The following TFAP2D variants were observed in gnomAD, a reference collection of about 807,000 sequenced individuals.
The protein encoded by TFAP2D is transcription factor AP-2 delta.
TFAP2D carries 9 observed loss-of-function variants against 43.6 expected under a neutral mutation model. That is an observed-to-expected ratio of 0.21 (90% CI 0.12 to 0.36). The LOEUF is 0.36. Among genes scored for constraint, TFAP2D ranks in the 10% least tolerant of loss-of-function variants. The probability of loss-of-function intolerance (pLI) is 1.00; values close to 1 mark genes in which losing one functional copy is unlikely to be tolerated. For missense variants in TFAP2D, 513 were observed against 561.4 expected (o/e 0.91, Z 0.87); for synonymous variants, 256 against 224.9 (o/e 1.14, Z -1.24).
At chr6:50,735,431 G>C (rs1023042265) in intron 5 of TFAP2D, among the ~76,000 whole-genome samples, 5 of 152,086 alleles carry the variant, frequency 3.3e-5, no homozygotes, top group African/African-American at 1.2e-4. Flanking sequence ...CCCTGAACAA[G>C]TTTCTTGAAC....
At position 50,754,637 on chromosome 6, in the gene TFAP2D, T is replaced by A. The variant is rs78271520; in HGVS notation, c.1139+3313T>A. On this transcript the variant is annotated intron_variant, in intron 7 of 7. Coordinates refer to ENST00000008391, the MANE Select transcript of TFAP2D (RefSeq NM_172238.4). The stretch of plus-strand genomic sequence containing the variant: ...CATTTTCACAATAATGTACGGGGTG[T>A]CTATTTCTCCATATCTTCACCAAAT... Among the ~76,000 whole-genome samples, 67 of 151,988 alleles carry A rather than the reference T, an allele frequency of 4.4e-4. No individual in the cohort carries two copies. The East Asian group carries it at 0.011, about 25-fold the overall frequency.
At position 50,715,700 on chromosome 6, in the gene TFAP2D, CTCTCTT is replaced by C; in HGVS notation, c.537+93_537+98del. ...CATTAATGCTCCGACTGTAAAGCGT[CTCTCTT>C]TCTCTCTCTCTTCTCCTCTCTCTCT... On this transcript the variant is annotated intron_variant, in intron 2 of 7. Transcript: ENST00000008391. 2.2e-6 allele frequency: 3 copies of C among 1,347,848 alleles called. No individual in the cohort carries two copies. In the African/African-American group the frequency reaches 4.5e-5, roughly 20 times the overall value. The allele number at this position is 1,347,848 out of a possible 1,614,324, so 83.5% of individuals were successfully genotyped here.
At chr6:50,730,870 C>T (rs1208164560) in intron 5 of TFAP2D, among the ~76,000 whole-genome samples, 1 of 151,962 alleles carries the variant, frequency 6.6e-6, no homozygotes, top group Non-Finnish European at 1.5e-5. Context: ...CCTTGGAACC[C>T]TTTTCACCAC....
intron 5 of TFAP2D, among the ~76,000 whole-genome samples, chr6:50,740,582 G>A (rs553951471): frequency 4.6e-5 from 7 of 150,952 alleles, no homozygotes; most frequent in East Asian, 4.0e-4. Flanking sequence ...GCAGGTGCCC[G>A]CCACCACACC....
intron 7 of TFAP2D, among the ~76,000 whole-genome samples, chr6:50,756,389 A>T (rs2113888928): frequency 6.6e-6 from 1 of 152,214 alleles, no homozygotes; most frequent in East Asian, 1.9e-4. Context: ...AATTAACACC[A>T]TCAACTTGTG....
At position 50,727,934 on chromosome 6, in the gene TFAP2D, G is replaced by A. The variant is rs576266799; in HGVS notation, c.599-922G>A. On this transcript the variant is annotated intron_variant, in intron 3 of 7. Coordinates refer to ENST00000008391, the MANE Select transcript of TFAP2D (RefSeq NM_172238.4). ...TCTCAGAGATGATCACCTTTGGATCGTCAAGTCCTCTTCAGTTATTGTCGA... is the reference window on the plus strand; with the variant it reads ...TCTCAGAGATGATCACCTTTGGATCATCAAGTCCTCTTCAGTTATTGTCGA... Among the ~76,000 whole-genome samples the A allele has an allele frequency of 7.2e-5, 11 of 152,200 alleles. No individual in the cohort carries two copies. In the East Asian group the frequency reaches 1.4e-3, roughly 19 times the overall value.
At chr6:50,729,458 C>T in intron 5 of TFAP2D, 146 bp downstream of exon 5, 1 of 615,052 alleles carries the variant, frequency 1.6e-6, no homozygotes, top group Non-Finnish European at 2.9e-6. Flanking sequence ...ATTATCTTGA[C>T]AATGATGATT....
intron 7 of TFAP2D, 95 bp downstream of exon 7, chr6:50,751,419 A>G (rs1299205000): frequency 1.2e-6 from 1 of 827,012 alleles, no homozygotes; most frequent in African/African-American, 1.7e-5. Context: ...TTATATGTTT[A>G]TATGGTGACT....
intron 6 of TFAP2D, among the ~76,000 whole-genome samples, chr6:50,745,685 C>G (rs866137439): frequency 7.9e-5 from 12 of 152,060 alleles, no homozygotes; most frequent in Admixed American, 3.3e-4. Context: ...GTGAGAGGTA[C>G]CAGGGAGACC....
chr6:50,737,098 A>G (rs1315886571), intron 5 of TFAP2D, among the ~76,000 whole-genome samples: 1 of 152,102 alleles, frequency 6.6e-6, no homozygotes, highest in Non-Finnish European at 1.5e-5. Context: ...TTCCTGCCTC[A>G]GCCTCCTGAG....
chr6:50,726,953 A>G (rs184434660), intron 3 of TFAP2D, among the ~76,000 whole-genome samples: 47 of 152,348 alleles, frequency 3.1e-4, no homozygotes, highest in African/African-American at 1.1e-3. Context: ...TGTATTGGCT[A>G]CAAGTTTGAT....
chr6:50,719,994 C>A (rs1386702814), intron 3 of TFAP2D, among the ~76,000 whole-genome samples: 1 of 152,338 alleles, frequency 6.6e-6, no homozygotes, highest in South Asian at 2.1e-4. Context: ...CTAGCTTCCC[C>A]TACTTAACTG....
At chr6:50,772,161 A>T (rs1769537659) in intron 7 of TFAP2D, among the ~76,000 whole-genome samples, 1 of 151,694 alleles carries the variant, frequency 6.6e-6, no homozygotes, top group Non-Finnish European at 1.5e-5. Flanking sequence ...CAAACACTGC[A>T]TGTTCTCACT....
At chr6:50,746,822 T>G (rs1769131027) in intron 6 of TFAP2D, among the ~76,000 whole-genome samples, 1 of 152,168 alleles carries the variant, frequency 6.6e-6, no homozygotes, top group Non-Finnish European at 1.5e-5. Flanking sequence ...TTGCTGTGGC[T>G]GGCACTGTTT....
At chr6:50,765,226 A>G (rs1376935505) in intron 7 of TFAP2D, among the ~76,000 whole-genome samples, 2 of 152,188 alleles carry the variant, frequency 1.3e-5, no homozygotes, top group Non-Finnish European at 2.9e-5. Flanking sequence ...AATGTCTTCC[A>G]GATTCATTCA....
chr6:50,723,956 G>T (rs545031573), intron 3 of TFAP2D, among the ~76,000 whole-genome samples: 2 of 152,142 alleles, frequency 1.3e-5, no homozygotes, highest in East Asian at 3.9e-4. Flanking sequence ...AGCTCATTCG[G>T]CCCTGGTAAT....
At chr6:50,734,748 C>G (rs1581764881) in intron 5 of TFAP2D, among the ~76,000 whole-genome samples, 1 of 152,048 alleles carries the variant, frequency 6.6e-6, no homozygotes, top group Non-Finnish European at 1.5e-5. Flanking sequence ...AAAATGTAAT[C>G]TCTAGCTTGG....
Position 50,713,990 on chromosome 6 carries a change from A to G in TFAP2D, c.-66A>G. On this transcript the variant is annotated 5_prime_UTR_variant, in exon 1 of 8. Coordinates refer to ENST00000008391, the MANE Select transcript of TFAP2D (RefSeq NM_172238.4). ...AAATTGGAAAATACAAGAAGTTTGG[A>G]TTTTTTTTTCCCGATTCTTTTTTTG... 3.2e-6 allele frequency: 5 copies of G among 1,569,234 alleles called. No individual in the cohort carries two copies. Among genetic ancestry groups the G allele is most frequent in the Non-Finnish European group, 3.5e-6 (4 of 1,147,644 alleles).
chr6:50,752,992 A>G (rs1192672302), intron 7 of TFAP2D, among the ~76,000 whole-genome samples: 1 of 151,930 alleles, frequency 6.6e-6, no homozygotes, highest in Non-Finnish European at 1.5e-5. Context: ...TAAAGGAAGC[A>G]TTTAGTAAAT....
Sources: gnomAD v4.1 joint callset for allele counts (sites outside exome capture counted in the v4.1 genomes callset) on GRCh38, gnomAD v4.1.1 for gene constraint, MANE v1.5 for transcripts, NCBI Gene and HGNC (gene_info 2026-07-23, HGNC 2026-07-21) for gene names.